UBE2W: variants seen among roughly 807,000 people sequenced by gnomAD.
The protein encoded by UBE2W is ubiquitin-conjugating enzyme E2 W.
In UBE2W, 18 loss-of-function variants were observed where a neutral mutation model predicts 27.2. That is an observed-to-expected ratio of 0.66 (90% confidence interval 0.46 to 0.98). UBE2W has a LOEUF of 0.98. Ranked by LOEUF, UBE2W falls within the 50% of genes least tolerant of loss-of-function variation. The pLI, the probability that UBE2W is intolerant of heterozygous loss-of-function variation, is 0.00. For synonymous variants in UBE2W, 53 were observed against 57.2 expected (o/e 0.93, Z 0.33); for missense variants, 90 against 180.2 (o/e 0.50, Z 2.87).
At chr8:73,783,445 C>T (rs902622364), downstream of UBE2W, among the ~76,000 whole-genome samples, 3 of 152,108 alleles carry the variant, frequency 2.0e-5, no homozygotes, top group African/African-American at 4.8e-5. Flanking sequence ...GCCTTTCGTT[C>T]GATGGAGTAT....
At chr8:73,839,246 C>T (rs1426948269) in intron 1 of UBE2W, among the ~76,000 whole-genome samples, 2 of 149,460 alleles carry the variant, frequency 1.3e-5, no homozygotes, top group African/African-American at 4.9e-5. Context: ...CTTGGTTCTT[C>T]AGTAGGGAAC....
chr8:73,868,284 A>G (rs145617773), intron 1 of UBE2W, among the ~76,000 whole-genome samples: 38 of 152,304 alleles, frequency 2.5e-4, no homozygotes, highest in African/African-American at 8.4e-4. Flanking sequence ...AGCCTTGTAA[A>G]AACCCGAAAG....
chr8:73,781,408 T>C (rs886321335), downstream of UBE2W, among the ~76,000 whole-genome samples: 3 of 152,074 alleles, frequency 2.0e-5, no homozygotes, highest in Non-Finnish European at 4.4e-5. Context: ...CCGTCTCCAC[T>C]TACTAATTGA....
chr8:73,785,646 C>T (rs7007703), downstream of UBE2W, among the ~76,000 whole-genome samples: 8,059 of 151,876 alleles, frequency 0.053, 687 homozygotes, highest in African/African-American at 0.18. Context: ...GGCTGGAGTG[C>T]AATGGCATGA....
chr8:73,790,380 T>TG lies in UBE2W; in HGVS notation c.*3721dup. ...ACACCTTCTTCACAGACCTCAATCA[T>TG]GCACAGGCAGTAACGGCATTACTAT... is the stretch of plus-strand genomic sequence containing the variant. On this transcript the variant is annotated 3_prime_UTR_variant, in exon 6 of 6. Coordinates refer to ENST00000602593, the MANE Select transcript of UBE2W (RefSeq NM_018299.6). 1 of 985,452 alleles carries TG rather than the reference T, an allele frequency of 1.0e-6. No homozygotes were observed. The highest frequency in any genetic ancestry group is 1.2e-6 in the Non-Finnish European group (1 of 829,940). 61.0% of individuals were successfully genotyped at this position (985,452 alleles called of 1,614,324 possible). A position where few individuals can be genotyped will look rare whatever the true frequency, so the allele number is the denominator to read the frequency against.
In UBE2W at chr8:73,788,305, T is replaced by C; in HGVS notation, c.*5797A>G. Reference sequence around the variant, plus strand: ...TTACATATTTTGCAACTTGAGTTTATAAAATATATACATCCACCCTATTCA... The same window carrying C: ...TTACATATTTTGCAACTTGAGTTTACAAAATATATACATCCACCCTATTCA... On this transcript the variant is annotated 3_prime_UTR_variant, in exon 6 of 6. Coordinates refer to ENST00000602593, the MANE Select transcript of UBE2W (RefSeq NM_018299.6). 2 of 984,602 alleles carry C rather than the reference T, an allele frequency of 2.0e-6. No individual in the cohort carries two copies. The highest frequency in any genetic ancestry group is 2.4e-6 in the Non-Finnish European group (2 of 829,158). The allele number at this position is 984,602 out of a possible 1,614,324, so 61.0% of individuals were successfully genotyped here.
chr8:73,874,608 T>C (rs1812142007), intron 1 of UBE2W, among the ~76,000 whole-genome samples: 1 of 152,210 alleles, frequency 6.6e-6, no homozygotes, highest in Admixed American at 6.5e-5. Flanking sequence ...GGATAAAAGT[T>C]TCTACCAAAT....
chr8:73,858,464 G>A (rs1811396803), intron 1 of UBE2W, among the ~76,000 whole-genome samples: 1 of 151,114 alleles, frequency 6.6e-6, no homozygotes, highest in African/African-American at 2.4e-5. Flanking sequence ...TATAAAATCA[G>A]TTTTGACATC....
rs1808009063 is a variant in UBE2W, at chr8:73,787,590, C to A, written c.*6512G>T. On this transcript the variant is annotated 3_prime_UTR_variant, in exon 6 of 6. Transcript: ENST00000602593. ...TAAGGTGCTCCTGGGGCAAGCAGAT[C>A]CCCTGCAGAAAAGCTTAGAATTACC... The A allele has an allele frequency of 1.0e-6, 1 of 985,266 alleles. No homozygotes were observed. The highest frequency in any genetic ancestry group is 1.2e-6 in the Non-Finnish European group (1 of 829,926). The allele number at this position is 985,266 out of a possible 1,614,324, so 61.0% of individuals were successfully genotyped here.
chr8:73,876,798 G>C (rs193134100), intron 1 of UBE2W, among the ~76,000 whole-genome samples: 1 of 152,074 alleles, frequency 6.6e-6, no homozygotes, highest in African/African-American at 2.4e-5. Flanking sequence ...AAGAAACCCC[G>C]TCTCTACTGA....
chr8:73,812,807 A>G (rs1157110686), intron 3 of UBE2W, among the ~76,000 whole-genome samples: 1 of 152,068 alleles, frequency 6.6e-6, no homozygotes, highest in African/African-American at 2.4e-5. Flanking sequence ...GTTTGAGACC[A>G]GCCTGGCCAA....
At chr8:73,839,155 C>T (rs879311129) in intron 1 of UBE2W, among the ~76,000 whole-genome samples, 6 of 152,066 alleles carry the variant, frequency 3.9e-5, no homozygotes, top group African/African-American at 1.4e-4. Context: ...GTAACAAATG[C>T]CCATATTTAC....
intron 3 of UBE2W, 55 bp downstream of exon 3, chr8:73,825,092 C>A (rs1809782223): frequency 1.8e-6 from 2 of 1,096,374 alleles, no homozygotes; most frequent in Admixed American, 5.0e-5. Context: ...TCAAACATCT[C>A]TGGCATTTAG....
rs1418558643 is a variant in UBE2W at position 73,877,220 on chromosome 8, A to G, written c.15+1588T>C. ...ACACAGATAAAAATCTTTAAGTGGT[A>G]ATGTAGCCTATTGCATCTACTGTTC... is the stretch of plus-strand genomic sequence containing the variant. On this transcript the variant is annotated intron_variant, in intron 1 of 5. Coordinates refer to ENST00000602593, the MANE Select transcript of UBE2W (RefSeq NM_018299.6). 2.0e-5 allele frequency among the ~76,000 whole-genome samples: 3 copies of G among 152,242 alleles called. No individual in the cohort carries two copies. In the South Asian group the frequency reaches 6.2e-4, roughly 31 times the overall value.
chr8:73,841,086 A>C (rs955903462), intron 1 of UBE2W, among the ~76,000 whole-genome samples: 1 of 152,238 alleles, frequency 6.6e-6, no homozygotes, highest in East Asian at 1.9e-4. Context: ...TGTTTTCTCC[A>C]ATTTCATCTA....
At chr8:73,785,143 A>G (rs770368672), downstream of UBE2W, among the ~76,000 whole-genome samples, 16 of 152,118 alleles carry the variant, frequency 1.1e-4, no homozygotes, top group Non-Finnish European at 2.1e-4. Context: ...TTTTCAGGTC[A>G]TGACAATATT....
Position 73,786,483 on chromosome 8 carries a change from G to GC in UBE2W, c.*7618dup, listed in dbSNP as rs1807959774. The GC allele has an allele frequency of 1.0e-6, 1 of 985,356 alleles. No individual in the cohort carries two copies. The highest frequency in any genetic ancestry group is 4.7e-5 in the South Asian group (1 of 21,284). The allele number at this position is 985,356 out of a possible 1,614,324, so 61.0% of individuals were successfully genotyped here. On this transcript the variant is annotated 3_prime_UTR_variant, in exon 6 of 6. Transcript: ENST00000602593. ...ACGTGCTGGGGACACAAACACAATT[G>GC]CAACACTGTCCCTACTGTTAAAAAG...
chr8:73,870,478 T>G (rs1811959578), intron 1 of UBE2W, among the ~76,000 whole-genome samples: 1 of 151,940 alleles, frequency 6.6e-6, no homozygotes, highest in Non-Finnish European at 1.5e-5. Context: ...ATTCCAAAGA[T>G]CCAGGAAATG....
At chr8:73,782,253 G>T (rs57429402), downstream of UBE2W, among the ~76,000 whole-genome samples, 17,181 of 148,368 alleles carry the variant, frequency 0.12, 2,961 homozygotes, top group African/African-American at 0.38. Context: ...GGCCAATTGT[G>T]TTTTTTTTTT....
Sources: allele counts gnomAD v4.1 joint callset (sites outside exome capture counted in the v4.1 genomes callset), GRCh38; gene constraint gnomAD v4.1.1; transcripts MANE v1.5; gene names NCBI Gene and HGNC (gene_info 2026-07-23, HGNC 2026-07-21).